Variants in KCNIP4 observed in about 807,000 individuals in gnomAD.
KCNIP4 encodes the protein potassium voltage-gated channel interacting protein 4, also known as Kv channel-interacting protein 4.
In KCNIP4, 12 loss-of-function variants were observed where a neutral mutation model predicts 34.0. The observed-to-expected ratio is 0.35, with a 90% CI of 0.23 to 0.57. The LOEUF (loss-of-function observed/expected upper bound fraction) is 0.57, where lower values mean the gene tolerates loss of function less well. Ranked by LOEUF, KCNIP4 falls within the 20% of genes least tolerant of loss-of-function variation. KCNIP4 has a pLI of 0.83. For missense variants in KCNIP4, 238 were observed against 311.7 expected (o/e 0.76, Z 1.78); for synonymous variants, 124 against 102.2 (o/e 1.21, Z -1.29).
intron 3 of KCNIP4, among the ~76,000 whole-genome samples, chr4:20,819,909 G>A (rs539091904): frequency 6.6e-6 from 1 of 152,304 alleles, no homozygotes; most frequent in Non-Finnish European, 1.5e-5. Context: ...CCAGCCTCCA[G>A]AACTGTGATA....
chr4:20,912,166 G>C (rs1433553861), intron 1 of KCNIP4, among the ~76,000 whole-genome samples: 2 of 152,024 alleles, frequency 1.3e-5, no homozygotes, highest in Non-Finnish European at 2.9e-5. Flanking sequence ...TTACTCCTCT[G>C]CTTATCCTTC....
intron 2 of KCNIP4, among the ~76,000 whole-genome samples, chr4:20,872,526 G>A (rs895411177): frequency 6.6e-6 from 1 of 152,040 alleles, no homozygotes; most frequent in African/African-American, 2.4e-5. Flanking sequence ...GAAAATTGAG[G>A]CTCTTTGAAG....
chr4:20,745,862 A>AGTTT (rs1752310954), intron 5 of KCNIP4, among the ~76,000 whole-genome samples: 1 of 152,122 alleles, frequency 6.6e-6, no homozygotes, highest in African/African-American at 2.4e-5. Flanking sequence ...ATTTGCATGT[A>AGTTT]GTTGCCTTAC....
chr4:21,744,650 A>G (rs545460657), intron 1 of KCNIP4, among the ~76,000 whole-genome samples: 1 of 152,286 alleles, frequency 6.6e-6, no homozygotes, highest in Non-Finnish European at 1.5e-5. Flanking sequence ...ACCCTGCTAT[A>G]GAACCACAGC....
At chr4:20,869,912 T>C (rs1723261972) in intron 2 of KCNIP4, among the ~76,000 whole-genome samples, 1 of 151,994 alleles carries the variant, frequency 6.6e-6, no homozygotes, top group African/African-American at 2.4e-5. Context: ...TCTTCATCAA[T>C]AAAAGGGGAA....
At chr4:20,837,256 C>T (rs77028255) in intron 3 of KCNIP4, among the ~76,000 whole-genome samples, 3 of 152,034 alleles carry the variant, frequency 2.0e-5, no homozygotes, top group Admixed American at 6.6e-5. Context: ...CTTGTATTTT[C>T]CTGAAATTAA....
chr4:21,103,969 T>C (rs1034969832), intron 1 of KCNIP4, among the ~76,000 whole-genome samples: 12 of 152,088 alleles, frequency 7.9e-5, no homozygotes. Context: ...CACATTTTCT[T>C]AATCCAGTCT....
intron 1 of KCNIP4, among the ~76,000 whole-genome samples, chr4:21,251,497 C>T (rs921779407): frequency 6.6e-6 from 1 of 152,042 alleles, no homozygotes; most frequent in Non-Finnish European, 1.5e-5. Flanking sequence ...GTTGCTCCAT[C>T]AACCTAAAAT....
chr4:21,651,375 A>T (rs1747466519), intron 1 of KCNIP4, among the ~76,000 whole-genome samples: 1 of 152,220 alleles, frequency 6.6e-6, no homozygotes, highest in Non-Finnish European at 1.5e-5. Flanking sequence ...TGTTCACATG[A>T]GTGATGACTG....
At chr4:21,242,619 G>A (rs1281547353) in intron 1 of KCNIP4, among the ~76,000 whole-genome samples, 1 of 152,134 alleles carries the variant, frequency 6.6e-6, no homozygotes, top group African/African-American at 2.4e-5. Context: ...CAAAAAGGTA[G>A]AGAAAGGGGA....
intron 1 of KCNIP4, among the ~76,000 whole-genome samples, chr4:21,432,546 G>T (rs1726585862): frequency 1.3e-5 from 2 of 152,228 alleles, no homozygotes; most frequent in East Asian, 1.9e-4. Flanking sequence ...ATACAATCTT[G>T]TTGAAATTTT....
intron 1 of KCNIP4, among the ~76,000 whole-genome samples, chr4:21,457,653 C>T (rs1478873160): frequency 6.6e-6 from 1 of 151,962 alleles, no homozygotes; most frequent in Non-Finnish European, 1.5e-5. Flanking sequence ...TCCCTCTTTC[C>T]CGCAGATCTA....
chr4:20,743,972 CAAAAG>C (rs1046599371), intron 5 of KCNIP4, among the ~76,000 whole-genome samples: 3 of 151,754 alleles, frequency 2.0e-5, no homozygotes, highest in Admixed American at 6.6e-5. Flanking sequence ...AGACTCTTCT[CAAAAG>C]AAGACATTTA....
At chr4:21,816,687 GT>G (rs1463917603) in intron 1 of KCNIP4, among the ~76,000 whole-genome samples, 1 of 152,100 alleles carries the variant, frequency 6.6e-6, no homozygotes, top group Non-Finnish European at 1.5e-5. Context: ...GAGGACCTGT[GT>G]TTGGTCATCA....
intron 1 of KCNIP4, among the ~76,000 whole-genome samples, chr4:21,874,823 A>T (rs1011410674): frequency 6.6e-6 from 1 of 152,104 alleles, no homozygotes; most frequent in Non-Finnish European, 1.5e-5. Context: ...CATATTTCCC[A>T]TCTGATTCCT....
intron 1 of KCNIP4, among the ~76,000 whole-genome samples, chr4:21,681,355 C>A (rs1018709898): frequency 6.6e-6 from 1 of 152,102 alleles, no homozygotes; most frequent in East Asian, 1.9e-4. Context: ...ATTCCTCCTG[C>A]CTTGGCCTCC....
At chr4:21,021,805 T>C (rs1740067561) in intron 1 of KCNIP4, among the ~76,000 whole-genome samples, 1 of 151,244 alleles carries the variant, frequency 6.6e-6, no homozygotes, top group Non-Finnish European at 1.5e-5. Context: ...ACCTCCCTTT[T>C]GAAAAAATAA....
At position 21,247,806 on chromosome 4, in the gene KCNIP4, T is replaced by TAC. The variant is rs1268288634; in HGVS notation, c.62-365098_62-365097insGT. Among the ~76,000 whole-genome samples, 49 of 97,590 alleles carry TAC rather than the reference T, an allele frequency of 5.0e-4. 1 individual carries two copies. The highest frequency in any genetic ancestry group is 7.4e-4 in the Non-Finnish European group (39 of 53,006). The allele number at this position is 97,590 out of a possible 152,430, so 64.0% of individuals were successfully genotyped here. A position where few individuals can be genotyped will look rare whatever the true frequency, so the allele number is the denominator to read the frequency against. On this transcript the variant is annotated intron_variant, in intron 1 of 8. Transcript: ENST00000382152. ...TATATATACACCACAGGTGGATATATATATATATATATATACACACACACA... is the reference window on the plus strand; with the variant it reads ...TATATATACACCACAGGTGGATATATACATATATATATATATACACACACACA...
chr4:21,864,461 C>T (rs1475195806), intron 1 of KCNIP4, among the ~76,000 whole-genome samples: 1 of 152,076 alleles, frequency 6.6e-6, no homozygotes, highest in Non-Finnish European at 1.5e-5. Flanking sequence ...CATGATAATG[C>T]CCTATATGAA....
Sources: gnomAD v4.1 joint callset for allele counts (sites outside exome capture counted in the v4.1 genomes callset) on GRCh38, gnomAD v4.1.1 for gene constraint, MANE v1.5 for transcripts, NCBI Gene and HGNC (gene_info 2026-07-23, HGNC 2026-07-21) for gene names.